RIT2: variants seen among roughly 807,000 people sequenced by gnomAD.
RIT2 encodes Ras like without CAAX 2, also known as GTP-binding protein Rit2.
A neutral mutation model predicts 23.7 loss-of-function variants in RIT2; 24 were observed. The ratio of observed to expected loss-of-function variants is 1.01; its 90% confidence interval spans 0.73 to 1.43. The LOEUF (loss-of-function observed/expected upper bound fraction) is 1.43. Ranked by LOEUF, RIT2 falls within the 40% of genes most tolerant of loss-of-function variation. RIT2 has a pLI of 0.00. For missense variants in RIT2, 236 were observed against 266.9 expected, an observed-to-expected ratio of 0.88 and a Z score of 0.81; for synonymous variants, 107 against 91.1, an observed-to-expected ratio of 1.17 and a Z score of -0.99.
At chr18:42,909,028 T>G (rs115946605) in intron 4 of RIT2, among the ~76,000 whole-genome samples, 3,607 of 152,190 alleles carry the variant, frequency 0.024, 115 homozygotes, top group African/African-American at 0.076. Flanking sequence ...CATCCACACA[T>G]GTTTATAGCA....
At chr18:42,928,023 C>T (rs2144140314) in intron 3 of RIT2, among the ~76,000 whole-genome samples, 1 of 152,068 alleles carries the variant, frequency 6.6e-6, no homozygotes, top group South Asian at 2.1e-4. Flanking sequence ...AAAGCACTAG[C>T]ACTATATTCA....
At chr18:43,014,391 T>G (rs570214416) in intron 2 of RIT2, among the ~76,000 whole-genome samples, 1 of 151,842 alleles carries the variant, frequency 6.6e-6, no homozygotes, top group South Asian at 2.1e-4. Context: ...GCAGCCCAAG[T>G]ACAGCATTGC....
chr18:43,102,345 G>A (rs1913704195), intron 1 of RIT2, among the ~76,000 whole-genome samples: 1 of 151,866 alleles, frequency 6.6e-6, no homozygotes. Context: ...TTAGAACCAT[G>A]GGGGTAAACA....
chr18:43,109,810 A>T (rs763742118), intron 1 of RIT2, among the ~76,000 whole-genome samples: 1 of 124,050 alleles, frequency 8.1e-6, no homozygotes, highest in Admixed American at 9.3e-5. Flanking sequence ...TGTTTCATAC[A>T]TATTTCACAT....
chr18:43,030,449 G>C (rs1349130695), intron 2 of RIT2, among the ~76,000 whole-genome samples: 1 of 151,992 alleles, frequency 6.6e-6, no homozygotes, highest in African/African-American at 2.4e-5. Flanking sequence ...AGTGGCAAGT[G>C]TGGAAGCTGA....
At chr18:42,961,480 G>A (rs1185500822) in intron 3 of RIT2, among the ~76,000 whole-genome samples, 3 of 152,146 alleles carry the variant, frequency 2.0e-5, no homozygotes, top group African/African-American at 7.2e-5. Flanking sequence ...ATTCAGCAAA[G>A]CTTACTCTAG....
intron 4 of RIT2, among the ~76,000 whole-genome samples, chr18:42,901,203 G>GTTTA (rs1908467596): frequency 6.6e-6 from 1 of 151,990 alleles, no homozygotes; most frequent in Non-Finnish European, 1.5e-5. Context: ...GTTCATATTA[G>GTTTA]TTTAATATTA....
At chr18:42,854,388 G>C (rs1907131040) in intron 4 of RIT2, among the ~76,000 whole-genome samples, 1 of 152,116 alleles carries the variant, frequency 6.6e-6, no homozygotes, top group Non-Finnish European at 1.5e-5. Context: ...TAGCAAGTGG[G>C]AGATCTTGCA....
chr18:43,040,815 T>TC (rs1387531383), intron 1 of RIT2, among the ~76,000 whole-genome samples: 1 of 151,164 alleles, frequency 6.6e-6, no homozygotes, highest in Non-Finnish European at 1.5e-5. Flanking sequence ...TGTTATACTT[T>TC]CCCCCCCAAA....
rs186671496 is a variant in RIT2 at position 42,990,281 on chromosome 18, C to T, written c.161-16134G>A. On this transcript the variant is annotated intron_variant, in intron 2 of 4. Transcript: ENST00000326695. ...TTCCTATTACTCAGCTTTTTAAGGT[C>T]TTCAATGGTTTGAATGGGGCCCATC... Among the ~76,000 whole-genome samples the T allele has an allele frequency of 1.8e-4, 28 of 152,160 alleles. No individual in the cohort carries two copies. In the East Asian group the frequency reaches 5.4e-3, roughly 30 times the overall value.
intron 4 of RIT2, among the ~76,000 whole-genome samples, chr18:42,907,298 G>T (rs1372941978): frequency 6.6e-6 from 1 of 152,094 alleles, no homozygotes; most frequent in African/African-American, 2.4e-5. Context: ...CTAGCAAAAG[G>T]CATAATATGG....
intron 1 of RIT2, among the ~76,000 whole-genome samples, chr18:43,083,993 A>G (rs1188445741): frequency 6.6e-6 from 1 of 152,194 alleles, no homozygotes; most frequent in Non-Finnish European, 1.5e-5. Flanking sequence ...CATCTGACAA[A>G]GATCTAATAT....
chr18:42,856,810 T>TA (rs1361764441), intron 4 of RIT2, among the ~76,000 whole-genome samples: 5 of 151,468 alleles, frequency 3.3e-5, no homozygotes, highest in Admixed American at 3.3e-4. Context: ...AGAAGTCTTT[T>TA]TCTTTTCTCT....
At chr18:42,948,853 T>C (rs1370162730) in intron 3 of RIT2, 2 of 391,290 alleles carry the variant, frequency 5.1e-6, no homozygotes, top group Non-Finnish European at 9.0e-6. Context: ...CTCTCCATTA[T>C]ACCTCAAGAA....
chr18:42,966,711 G>A (rs1910232402), intron 3 of RIT2, among the ~76,000 whole-genome samples: 1 of 152,048 alleles, frequency 6.6e-6, no homozygotes, highest in African/African-American at 2.4e-5. Context: ...TCCAAGGTCA[G>A]GGAATGCCAT....
At position 43,037,314 on chromosome 18, in the gene RIT2, T is replaced by C. The variant is rs772075033; in HGVS notation, c.104-3447A>G. ...CAATGAACAATGCAATTGTGAATTG[T>C]GGCTTTTATTATTTAAAAGTTTCCC... On this transcript the variant is annotated intron_variant, in intron 1 of 4. Coordinates refer to ENST00000326695, the MANE Select transcript of RIT2 (RefSeq NM_002930.4). Among the ~76,000 whole-genome samples the C allele has an allele frequency of 7.9e-4, 121 of 152,348 alleles. No homozygotes were observed. The Middle Eastern group carries it at 0.017, about 21-fold the overall frequency.
intron 1 of RIT2, among the ~76,000 whole-genome samples, chr18:43,086,822 T>C (rs1417566809): frequency 6.6e-5 from 10 of 152,158 alleles, no homozygotes; most frequent in Admixed American, 6.5e-4. Context: ...CCACACTAAA[T>C]GGCTTCTCAA....
chr18:42,950,635 A>C (rs1284309857), intron 3 of RIT2, among the ~76,000 whole-genome samples: 1 of 152,094 alleles, frequency 6.6e-6, no homozygotes, highest in South Asian at 2.1e-4. Context: ...AATATTCACA[A>C]ACCACGCATC....
At chr18:42,763,483 C>A (rs1913352208) in intron 4 of RIT2, among the ~76,000 whole-genome samples, 1 of 148,224 alleles carries the variant, frequency 6.7e-6, no homozygotes, top group African/African-American at 2.5e-5. Context: ...AAAAGGTACA[C>A]CTGTATGGGA....
Sources: allele counts gnomAD v4.1 joint callset (sites outside exome capture counted in the v4.1 genomes callset), GRCh38; gene constraint gnomAD v4.1.1; transcripts MANE v1.5; gene names NCBI Gene and HGNC (gene_info 2026-07-23, HGNC 2026-07-21).